UNC13C: variants seen among roughly 807,000 people sequenced by gnomAD.
UNC13C encodes unc-13 homolog C.
Under a neutral mutation model 245.4 loss-of-function variants are expected in UNC13C, and 174 were observed. That is an observed-to-expected ratio of 0.71 (90% CI 0.63 to 0.80). The LOEUF (loss-of-function observed/expected upper bound fraction) is 0.80. UNC13C is among the 30% of genes least tolerant of loss of function. The pLI is 0.00. For synonymous variants in UNC13C, 992 were observed against 895.1 expected (o/e 1.11, Z -1.93); for missense variants, 2,829 against 2,602.9 (o/e 1.09, Z -1.89).
At chr15:54,547,840 A>G (rs1176711575) in intron 27 of UNC13C, among the ~76,000 whole-genome samples, 1 of 134,196 alleles carries the variant, frequency 7.5e-6, no homozygotes, top group Non-Finnish European at 1.5e-5. Flanking sequence ...AATACATAAT[A>G]TATTTCCATA....
downstream of UNC13C, chr15:54,632,208 A>G (rs1901468358): frequency 6.6e-6 from 1 of 152,076 alleles, no homozygotes. Context: ...TTGGGGACAT[A>G]TTTTCATATT....
At chr15:54,195,326 A>T (rs1474398004) in intron 4 of UNC13C, among the ~76,000 whole-genome samples, 1 of 152,216 alleles carries the variant, frequency 6.6e-6, no homozygotes, top group Non-Finnish European at 1.5e-5. Flanking sequence ...ACAGTCGTTA[A>T]TTTAACAATT....
intron 30 of UNC13C, among the ~76,000 whole-genome samples, chr15:54,605,806 C>A (rs1357004265): frequency 2.0e-5 from 3 of 152,176 alleles, no homozygotes. Context: ...GCTTTGCGAG[C>A]AATATGCCAT....
chr15:54,452,842 G>A (rs538873249), intron 19 of UNC13C, among the ~76,000 whole-genome samples: 200 of 152,268 alleles, frequency 1.3e-3, no homozygotes, highest in African/African-American at 4.6e-3. Context: ...TTTTCTATGT[G>A]CATGAAAACG....
intron 4 of UNC13C, among the ~76,000 whole-genome samples, chr15:54,201,870 A>G (rs113804568): frequency 4.6e-5 from 7 of 152,154 alleles, no homozygotes; most frequent in East Asian, 1.9e-4. Flanking sequence ...GAGGAATTCA[A>G]ACTGTTACTA....
intron 19 of UNC13C, among the ~76,000 whole-genome samples, chr15:54,458,670 C>G (rs902616848): frequency 2.1e-4 from 21 of 100,144 alleles, no homozygotes; most frequent in African/African-American, 7.2e-4. Flanking sequence ...AACTATTGTT[C>G]CTTTAAGGTC....
intron 4 of UNC13C, among the ~76,000 whole-genome samples, chr15:54,208,786 A>G (rs1394269873): frequency 6.6e-6 from 1 of 152,158 alleles, no homozygotes; most frequent in Non-Finnish European, 1.5e-5. Flanking sequence ...TATCACATAC[A>G]ATAAATAGCC....
intron 9 of UNC13C, among the ~76,000 whole-genome samples, chr15:54,265,069 C>T (rs74397078): frequency 1.3e-5 from 2 of 152,036 alleles, no homozygotes; most frequent in East Asian, 3.9e-4. Flanking sequence ...CCTCATTCCT[C>T]TGTACATGTA....
At chr15:54,084,333 A>G (rs1463254531) in intron 2 of UNC13C, among the ~76,000 whole-genome samples, 1 of 152,202 alleles carries the variant, frequency 6.6e-6, no homozygotes, top group Non-Finnish European at 1.5e-5. Context: ...GGATTCTAGC[A>G]AAGTTCATTT....
intron 1 of UNC13C, among the ~76,000 whole-genome samples, chr15:54,009,371 C>T (rs1895279318): frequency 6.6e-6 from 1 of 152,170 alleles, no homozygotes; most frequent in Admixed American, 6.5e-5. Context: ...CTACTCTTCT[C>T]AGCACTAGTA....
At chr15:54,382,173 A>T (rs2039739557) in intron 17 of UNC13C, among the ~76,000 whole-genome samples, 1 of 152,194 alleles carries the variant, frequency 6.6e-6, no homozygotes, top group Non-Finnish European at 1.5e-5. Context: ...ATTAAGATTT[A>T]TATTAAAACA....
chr15:54,197,681 C>T (rs2034400801), intron 4 of UNC13C, among the ~76,000 whole-genome samples: 1 of 152,138 alleles, frequency 6.6e-6, no homozygotes, highest in Non-Finnish European at 1.5e-5. Context: ...ATCTGGGGGA[C>T]ATCAGATTAA....
the UNC13C span, chr15:53,912,189 A>G: frequency 1.3e-5 from 2 of 152,328 alleles, no homozygotes; most frequent in Admixed American, 6.5e-5. Flanking sequence ...CAGAGCTGCA[A>G]TTCTGAAGAA....
At chr15:54,374,115 T>G (rs532267069) in intron 17 of UNC13C, among the ~76,000 whole-genome samples, 2 of 152,308 alleles carry the variant, frequency 1.3e-5, no homozygotes, top group East Asian at 3.9e-4. Flanking sequence ...TCCCCAAGTC[T>G]GTCTGAGTCT....
chr15:54,506,790 A>G (rs1046351891), intron 22 of UNC13C, among the ~76,000 whole-genome samples: 4 of 152,080 alleles, frequency 2.6e-5, no homozygotes, highest in African/African-American at 9.7e-5. Flanking sequence ...TTCTACTGCT[A>G]TTGTTGCCTT....
At chr15:54,532,595 C>T (rs555533767) in intron 25 of UNC13C, among the ~76,000 whole-genome samples, 1 of 149,954 alleles carries the variant, frequency 6.7e-6, no homozygotes, top group African/African-American at 2.5e-5. Flanking sequence ...CCAAATACTG[C>T]AAGAGTCTTT....
At chr15:54,439,317 T>G (rs1046057014) in intron 19 of UNC13C, among the ~76,000 whole-genome samples, 1 of 151,990 alleles carries the variant, frequency 6.6e-6, no homozygotes. Flanking sequence ...AAAAGATCAG[T>G]AAGAACCCAG....
At chr15:54,574,981 T>C (rs569684057) in intron 30 of UNC13C, among the ~76,000 whole-genome samples, 1 of 152,296 alleles carries the variant, frequency 6.6e-6, no homozygotes, top group South Asian at 2.1e-4. Flanking sequence ...GATTTCTCAC[T>C]CTTCTTTTTA....
intron 28 of UNC13C, among the ~76,000 whole-genome samples, chr15:54,551,528 A>C (rs1201315970): frequency 6.6e-6 from 1 of 152,076 alleles, no homozygotes; most frequent in East Asian, 1.9e-4. Flanking sequence ...TGTGGGAAAA[A>C]TCAGGGTCCA....
Sources: allele counts gnomAD v4.1 joint callset (sites outside exome capture counted in the v4.1 genomes callset), GRCh38; gene constraint gnomAD v4.1.1; transcripts MANE v1.5; gene names NCBI Gene and HGNC (gene_info 2026-07-23, HGNC 2026-07-21).